The following MRPL3 variants were observed in gnomAD, a reference collection of about 807,000 sequenced individuals.
The protein encoded by MRPL3 is mitochondrial ribosomal protein L3.
MRPL3 carries 43 observed loss-of-function variants against 44.3 expected under a neutral mutation model. The ratio of observed to expected loss-of-function variants is 0.97; its 90% CI spans 0.76 to 1.25. The LOEUF is 1.25. Ranked by LOEUF, MRPL3 falls within the 50% of genes most tolerant of loss-of-function variation. The pLI is 0.00. For missense variants in MRPL3, 406 were observed against 427.6 expected (o/e 0.95, Z 0.45); for synonymous variants, 171 against 152.3 (o/e 1.12, Z -0.91).
intron 4 of MRPL3, 83 bp from the exon 5 acceptor site, chr3:131,490,163 A>G: frequency 1.1e-6 from 1 of 901,000 alleles, no homozygotes; most frequent in Non-Finnish European, 1.8e-6. Flanking sequence ...CCAAGTTATT[A>G]ACACCCCAGA....
At chr3:131,463,409 G>A (rs954929517) in intron 9 of MRPL3, among the ~76,000 whole-genome samples, 1 of 151,634 alleles carries the variant, frequency 6.6e-6, no homozygotes, top group African/African-American at 2.4e-5. Context: ...TGTATTGACG[G>A]AAAATTTAAA....
At chr3:131,479,268 C>G (rs772100285) in intron 6 of MRPL3, 2 of 500,074 alleles carry the variant, frequency 4.0e-6, no homozygotes, top group Non-Finnish European at 7.9e-6. Flanking sequence ...TCTTTATGCT[C>G]TAAGAAGTTT....
chr3:131,490,182 C>CA, intron 4 of MRPL3, 102 bp from the exon 5 acceptor site: 3 of 770,888 alleles, frequency 3.9e-6, no homozygotes, highest in Non-Finnish European at 6.6e-6. Context: ...GAAAATAAAT[C>CA]AAAGCATACC....
intron 6 of MRPL3, among the ~76,000 whole-genome samples, chr3:131,478,665 AC>A (rs1190467682): frequency 4.0e-5 from 6 of 151,270 alleles, no homozygotes; most frequent in African/African-American, 1.5e-4. Flanking sequence ...TGAAAAAACA[AC>A]CAAGTATTCA....
In MRPL3 at chr3:131,501,927, G is replaced by A. The variant is rs988544253; in HGVS notation, c.93-212C>T. 6 of 1,533,928 alleles carry A rather than the reference G, an allele frequency of 3.9e-6. No homozygotes were observed. The African/African-American group carries it at 8.2e-5, about 21-fold the overall frequency. On this transcript the variant is annotated intron_variant, in intron 1 of 9. Coordinates refer to ENST00000264995, the MANE Select transcript of MRPL3 (RefSeq NM_007208.4). ...CATTTAAACTGTTAGTCGTTACCCT[G>A]GAGAAAAAAATTCATCTTCTCCTCG...
intron 7 of MRPL3, among the ~76,000 whole-genome samples, chr3:131,470,965 C>A (rs769199538): frequency 6.6e-6 from 1 of 152,120 alleles, no homozygotes; most frequent in Non-Finnish European, 1.5e-5. Flanking sequence ...ACTACAGATG[C>A]TCAGCTAACC....
chr3:131,482,958 C>T lies in MRPL3; in HGVS notation c.629+4722G>A, dbSNP rs1164335153. Among the ~76,000 whole-genome samples, 4 of 146,024 alleles carry T rather than the reference C, an allele frequency of 2.7e-5. No individual in the cohort carries two copies. In the East Asian group the frequency reaches 6.0e-4, roughly 22 times the overall value. Reference sequence around the variant, plus strand: ...CACAGCAGAAAGCATCTTTAGTTTTCTTTTTATTTGTTCTTTGTTTCATTC... The same window carrying T: ...CACAGCAGAAAGCATCTTTAGTTTTTTTTTTATTTGTTCTTTGTTTCATTC... On this transcript the variant is annotated intron_variant, in intron 6 of 9. Transcript: ENST00000264995.
intron 4 of MRPL3, among the ~76,000 whole-genome samples, chr3:131,495,744 C>T (rs1308372928): frequency 6.6e-6 from 1 of 152,122 alleles, no homozygotes; most frequent in African/African-American, 2.4e-5. Flanking sequence ...GATTATAACA[C>T]ATCTTTATCA....
chr3:131,474,554 C>CA lies in MRPL3; in HGVS notation c.630-3276dup, dbSNP rs1010336824. ...GGAATGGTTTTGAATGCTCTTGCCACAAAAAAATGATAAATGCATGAAGTA... is the reference window on the plus strand; with the variant it reads ...GGAATGGTTTTGAATGCTCTTGCCACAAAAAAAATGATAAATGCATGAAGTA... On this transcript the variant is annotated intron_variant, in intron 6 of 9. Coordinates refer to ENST00000264995, the MANE Select transcript of MRPL3 (RefSeq NM_007208.4). Among the ~76,000 whole-genome samples the CA allele has an allele frequency of 3.1e-4, 47 of 151,848 alleles. 1 individual carries two copies. Among genetic ancestry groups the CA allele is most frequent in the African/African-American group, 7.7e-4 (32 of 41,432 alleles).
chr3:131,462,822 G>T lies in MRPL3; in HGVS notation c.948C>A (p.Phe316Leu). The T allele has an allele frequency of 6.2e-7, 1 of 1,612,494 alleles. No individual in the cohort carries two copies. Among genetic ancestry groups the T allele is most frequent in the Non-Finnish European group, 8.5e-7 (1 of 1,179,028 alleles). Residue 316 changes from phenylalanine (F) to leucine (L), a missense_variant, in exon 10 of 10, where the codon TTC (phenylalanine) becomes TTA (leucine). By Grantham distance (22) the Phe-to-Leu change is conservative. Coordinates refer to ENST00000264995, the MANE Select transcript of MRPL3 (RefSeq NM_007208.4). ...CATCTCCATCAGGAAAATATGTAGG[G>T]AATGGTAGATTTTTACCGAGATCCT... is the stretch of plus-strand genomic sequence containing the variant. ...AYKDLGKNLPFPTYFPDGDEE... is the reference protein window; with the variant it reads ...AYKDLGKNLPLPTYFPDGDEE...
intron 4 of MRPL3, 81 bp downstream of exon 4, chr3:131,498,098 G>A (rs1582720805): frequency 9.8e-7 from 1 of 1,024,762 alleles, no homozygotes; most frequent in Non-Finnish European, 1.5e-6. Context: ...TGTGGCTGTG[G>A]AACAATCTCA....
intron 4 of MRPL3, among the ~76,000 whole-genome samples, chr3:131,491,985 C>A (rs1934265436): frequency 6.6e-6 from 1 of 152,100 alleles, no homozygotes. Context: ...ACTCACCCTG[C>A]TTCAGAAAAA....
intron 9 of MRPL3, among the ~76,000 whole-genome samples, chr3:131,465,275 T>C (rs1277788241): frequency 1.3e-5 from 2 of 152,210 alleles, no homozygotes; most frequent in African/African-American, 4.8e-5. Context: ...TGGCAAACTA[T>C]TATCGATTGA....
At chr3:131,481,140 AG>A (rs1475864875) in intron 6 of MRPL3, among the ~76,000 whole-genome samples, 2 of 152,234 alleles carry the variant, frequency 1.3e-5, no homozygotes, top group African/African-American at 4.8e-5. Flanking sequence ...TGCAAATTCC[AG>A]ATACAATAGA....
At chr3:131,492,513 C>T (rs1270782575) in intron 4 of MRPL3, among the ~76,000 whole-genome samples, 5 of 152,152 alleles carry the variant, frequency 3.3e-5, no homozygotes, top group Non-Finnish European at 5.9e-5. Context: ...CAACCTAGAT[C>T]CCTCGCACAC....
chr3:131,484,217 C>T (rs1295465448), intron 6 of MRPL3, among the ~76,000 whole-genome samples: 2 of 152,128 alleles, frequency 1.3e-5, no homozygotes, highest in Admixed American at 6.5e-5. Context: ...AACTGATGAG[C>T]TTCTATTTTC....
intron 6 of MRPL3, among the ~76,000 whole-genome samples, chr3:131,477,785 A>G (rs1411287498): frequency 6.6e-6 from 1 of 152,196 alleles, no homozygotes; most frequent in African/African-American, 2.4e-5. Flanking sequence ...AAATTTAGTA[A>G]TTTCTTAACA....
At chr3:131,484,964 T>C (rs1019501124) in intron 6 of MRPL3, among the ~76,000 whole-genome samples, 3 of 152,162 alleles carry the variant, frequency 2.0e-5, no homozygotes, top group Non-Finnish European at 4.4e-5. Context: ...CAGAATATTG[T>C]ATTGTAGCCC....
At position 131,462,765 on chromosome 3, in the gene MRPL3, T is replaced by G; in HGVS notation, c.1005A>C (p.Glu335Asp). The change falls in exon 10 of 10, where the codon GAA becomes GAC. Residue 335 changes from glutamate (E) to aspartate (D), a missense_variant. Transcript: ENST00000264995. ...AAGGCGCACCGGGCTGACACACGTT[T>G]TCATCATACAAATCTTCTGGCAGTT... Reference protein sequence around the residue: ...EEELPEDLYDENVCQPGAPSI... With the variant: ...EEELPEDLYDDNVCQPGAPSI... 1 of 1,613,054 alleles carries G rather than the reference T, an allele frequency of 6.2e-7. No individual in the cohort carries two copies. Among genetic ancestry groups the G allele is most frequent in the Non-Finnish European group, 8.5e-7 (1 of 1,179,358 alleles).
Sources: gnomAD v4.1 joint callset for allele counts (sites outside exome capture counted in the v4.1 genomes callset) on GRCh38, gnomAD v4.1.1 for gene constraint, MANE v1.5 for transcripts, NCBI Gene and HGNC (gene_info 2026-07-23, HGNC 2026-07-21) for gene names.